The following EGF variants were observed in gnomAD, a reference collection of about 807,000 sequenced individuals.
EGF encodes the protein pro-epidermal growth factor.
EGF carries 95 observed loss-of-function variants against 143.8 expected under a neutral mutation model. The ratio of observed to expected loss-of-function variants is 0.66; its 90% CI spans 0.56 to 0.78. The LOEUF (loss-of-function observed/expected upper bound fraction) is 0.78, where lower values mean the gene tolerates loss of function less well. Ranked by LOEUF, EGF falls within the 30% of genes least tolerant of loss-of-function variation. The probability of loss-of-function intolerance (pLI) is 0.00; values close to 1 mark genes in which losing one functional copy is unlikely to be tolerated. For synonymous variants in EGF, 510 were observed against 510.5 expected, an observed-to-expected ratio of 1.00 and a Z score of 0.01; for missense variants, 1,320 against 1,470.9, an observed-to-expected ratio of 0.90 and a Z score of 1.68.
In EGF at chr4:109,943,881, T is replaced by C. The variant is rs1420886693; in HGVS notation, c.549T>C (p.Tyr183=). ...CTTCAGAGGTGGCTGGAAGCCTTTA[T>C]AGAGCAGATCTCGATGGTGTGGGAG... The part of the protein sequence containing the change: ...FWSSEVAGSL[Y]RADLDGVGVK... The change falls in exon 4 of 24, where the codon TAT becomes TAC. Residue 183 remains tyrosine (Y), a synonymous_variant. Coordinates refer to ENST00000265171, the MANE Select transcript of EGF (RefSeq NM_001963.6). 1.7e-5 allele frequency: 28 copies of C among 1,614,116 alleles called. No homozygotes were observed. Among genetic ancestry groups the C allele is most frequent in the Non-Finnish European group, 1.9e-5 (23 of 1,180,048 alleles).
At chr4:109,934,829 T>C (rs1740468068) in intron 1 of EGF, among the ~76,000 whole-genome samples, 1 of 152,132 alleles carries the variant, frequency 6.6e-6, no homozygotes, top group Non-Finnish European at 1.5e-5. Flanking sequence ...ATCCTTTCCC[T>C]ATTGCTCGTT....
chr4:110,006,118 G>A (rs2126192868), intron 22 of EGF, among the ~76,000 whole-genome samples: 1 of 152,202 alleles, frequency 6.6e-6, no homozygotes, highest in Non-Finnish European at 1.5e-5. Flanking sequence ...AGGCAGGATT[G>A]CTTGAGGCCA....
At chr4:109,996,624 A>G (rs768100403) in intron 20 of EGF, among the ~76,000 whole-genome samples, 3 of 152,186 alleles carry the variant, frequency 2.0e-5, no homozygotes, top group Non-Finnish European at 4.4e-5. Context: ...GGCAGGTGTC[A>G]TTCTGTACAG....
At chr4:109,960,814 A>C in intron 6 of EGF, 53 bp from the exon 7 acceptor site, 2 of 1,611,102 alleles carry the variant, frequency 1.2e-6, no homozygotes, top group Non-Finnish European at 1.7e-6. Flanking sequence ...TGATAGCACA[A>C]TTTATTTTCA....
Position 110,006,900 on chromosome 4 carries a change from C to T in EGF, c.3292-1252C>T, listed in dbSNP as rs567551935. On this transcript the variant is annotated intron_variant, in intron 22 of 23. Coordinates refer to ENST00000265171, the MANE Select transcript of EGF (RefSeq NM_001963.6). Reference sequence around the variant, plus strand: ...CTCAAACTAGAAGAAAGAGCAGAAACAAATGTAGTTCTATCAGCTCCTTTC... The same window carrying T: ...CTCAAACTAGAAGAAAGAGCAGAAATAAATGTAGTTCTATCAGCTCCTTTC... 2.6e-5 allele frequency among the ~76,000 whole-genome samples: 4 copies of T among 152,274 alleles called. No homozygotes were observed. The South Asian group carries it at 8.3e-4, about 32-fold the overall frequency.
Position 109,950,293 on chromosome 4 carries a change from G to A in EGF, c.940+5018G>A, listed in dbSNP as rs185833081. ...CCAATGAATGGCATCACTCTCTACCGCATCTCCCAAAGCGGAAACCGAGGA... is the reference window on the plus strand; with the variant it reads ...CCAATGAATGGCATCACTCTCTACCACATCTCCCAAAGCGGAAACCGAGGA... On this transcript the variant is annotated intron_variant, in intron 5 of 23. Coordinates refer to ENST00000265171, the MANE Select transcript of EGF (RefSeq NM_001963.6). Among the ~76,000 whole-genome samples, 20 of 152,088 alleles carry A rather than the reference G, an allele frequency of 1.3e-4. No individual in the cohort carries two copies. The East Asian group carries it at 3.1e-3, about 24-fold the overall frequency.
rs746313294 is a variant in EGF, at chr4:109,969,048, G to C, written c.1653G>C (p.Glu551Asp). The change falls in exon 11 of 24, where the codon GAG becomes GAC. Residue 551 changes from glutamate (E) to aspartate (D), a missense_variant. This residue lies in a region of EGF where 1,186 missense variants were observed against 1,313.7 expected (regional missense o/e 0.90). Coordinates refer to ENST00000265171, the MANE Select transcript of EGF (RefSeq NM_001963.6). ...GTTCCCAGCGAGAAAGGCTTATTGA[G>C]GAAGGAGTAGATGTGCCAGAAGGTC... ...MDGSQRERLI[E>D]EGVDVPEGLA... is the part of the protein sequence containing the mutation. 3 of 1,614,214 alleles carry C rather than the reference G, an allele frequency of 1.9e-6. No individual in the cohort carries two copies. The highest frequency in any genetic ancestry group is 2.5e-6 in the Non-Finnish European group (3 of 1,180,034).
chr4:109,921,923 G>A (rs949901416), intron 1 of EGF, among the ~76,000 whole-genome samples: 1 of 151,510 alleles, frequency 6.6e-6, no homozygotes, highest in Non-Finnish European at 1.5e-5. Flanking sequence ...ATACATGCCG[G>A]TTGACACCAA....
At chr4:109,925,163 T>A (rs1738423485) in intron 1 of EGF, among the ~76,000 whole-genome samples, 1 of 152,254 alleles carries the variant, frequency 6.6e-6, no homozygotes, top group African/African-American at 2.4e-5. Flanking sequence ...GAAACACTTG[T>A]TCTTCCTGCT....
intron 7 of EGF, 61 bp from the exon 8 acceptor site, chr4:109,961,802 T>A: frequency 6.2e-7 from 1 of 1,605,406 alleles, no homozygotes; most frequent in Non-Finnish European, 8.5e-7. Context: ...AGCAACTGAT[T>A]GCAATAAATT....
intron 1 of EGF, among the ~76,000 whole-genome samples, chr4:109,933,383 T>A (rs2125982489): frequency 6.6e-6 from 1 of 152,276 alleles, no homozygotes; most frequent in East Asian, 1.9e-4. Context: ...ACTCTCATAA[T>A]CTTACAGTTC....
intron 1 of EGF, among the ~76,000 whole-genome samples, chr4:109,936,166 C>T (rs929908513): frequency 5.9e-5 from 9 of 152,116 alleles, no homozygotes; most frequent in Admixed American, 1.3e-4. Flanking sequence ...ACTGTGAATC[C>T]GTCTGGTCCT....
intron 21 of EGF, among the ~76,000 whole-genome samples, chr4:110,000,892 T>G (rs545183133): frequency 6.6e-6 from 1 of 152,350 alleles, no homozygotes; most frequent in South Asian, 2.1e-4. Context: ...CCCACTTGAC[T>G]AATAGGTCCC....
intron 1 of EGF, among the ~76,000 whole-genome samples, chr4:109,939,289 T>C (rs1438893812): frequency 6.6e-6 from 1 of 152,182 alleles, no homozygotes; most frequent in Non-Finnish European, 1.5e-5. Flanking sequence ...CCCAGATCGA[T>C]CTCAGACTGC....
intron 6 of EGF, 142 bp downstream of exon 6, chr4:109,959,579 C>T (rs1358393480): frequency 8.2e-7 from 1 of 1,219,662 alleles, no homozygotes; most frequent in African/African-American, 1.5e-5. Context: ...TCCCCGTCCC[C>T]CACACAACCC....
chr4:109,919,287 GTCTCTCTCTCTCTCTCTCTCTC>G (rs58110007), intron 1 of EGF, among the ~76,000 whole-genome samples: 42 of 75,908 alleles, frequency 5.5e-4, no homozygotes, highest in South Asian at 4.7e-3. Flanking sequence ...ATGCTTCTCT[GTCTCTCTCTCTCTCTCTCTCTC>G]TCTCTCTCTC....
At position 109,931,227 on chromosome 4, in the gene EGF, A is replaced by G. The variant is rs577166997; in HGVS notation, c.128-9719A>G. 4.6e-5 allele frequency among the ~76,000 whole-genome samples: 7 copies of G among 152,342 alleles called. No individual in the cohort carries two copies. In the South Asian group the frequency reaches 1.5e-3, roughly 32 times the overall value. On this transcript the variant is annotated intron_variant, in intron 1 of 23. Transcript: ENST00000265171. ...GATATACATGTAGTCCTCCATAATT[A>G]ATAAAATACTTTCACATCTGTAATT...
chr4:109,961,292 C>T lies in EGF; in HGVS notation c.1189+303C>T, dbSNP rs1353424537. Among the ~76,000 whole-genome samples, 10 of 152,098 alleles carry T rather than the reference C, an allele frequency of 6.6e-5. No homozygotes were observed. The East Asian group carries it at 1.6e-3, about 24-fold the overall frequency. ...GATCACTTGAACCAGGAGGAGGAGG[C>T]TGCAGTGAGCCGAAATCAAGCCACT... On this transcript the variant is annotated intron_variant, in intron 7 of 23. Transcript: ENST00000265171.
chr4:109,970,755 G>A (rs927587137), intron 11 of EGF, among the ~76,000 whole-genome samples: 1 of 149,588 alleles, frequency 6.7e-6, no homozygotes, highest in Non-Finnish European at 1.5e-5. Flanking sequence ...AACCTGGAAG[G>A]CGGAGCTTGC....
Sources: allele counts gnomAD v4.1 joint callset (sites outside exome capture counted in the v4.1 genomes callset), GRCh38; gene constraint gnomAD v4.1.1; regional missense constraint gnomAD v4.1.1; transcripts MANE v1.5; gene names NCBI Gene and HGNC (gene_info 2026-07-23, HGNC 2026-07-21).